Variants in COP1 observed in about 807,000 individuals in gnomAD.
COP1 encodes COP1 E3 ubiquitin ligase, also known as E3 ubiquitin-protein ligase COP1.
In COP1, 24 loss-of-function variants were observed where a neutral mutation model predicts 101.3. That is an observed-to-expected ratio of 0.24 (90% CI 0.17 to 0.33). The LOEUF is 0.33. COP1 is among the 10% of genes least tolerant of loss of function. The pLI, the probability that COP1 is intolerant of heterozygous loss-of-function variation, is 1.00. For synonymous variants in COP1, 347 were observed against 341.9 expected, an observed-to-expected ratio of 1.01 and a Z score of -0.17; for missense variants, 663 against 906.2, an observed-to-expected ratio of 0.73 and a Z score of 3.45.
At chr1:176,082,208 A>T (rs1383687552) in intron 10 of COP1, among the ~76,000 whole-genome samples, 3 of 152,182 alleles carry the variant, frequency 2.0e-5, no homozygotes, top group African/African-American at 7.2e-5. Context: ...TGAGCACTTT[A>T]GTTTCCTAGA....
chr1:176,202,607 A>T (rs1470216835), intron 1 of COP1, among the ~76,000 whole-genome samples: 1 of 151,878 alleles, frequency 6.6e-6, no homozygotes, highest in Non-Finnish European at 1.5e-5. Flanking sequence ...CTAAGACATG[A>T]AGATTGCTTG....
chr1:176,006,317 G>A (rs577043177), intron 15 of COP1, among the ~76,000 whole-genome samples: 2 of 152,294 alleles, frequency 1.3e-5, no homozygotes, highest in South Asian at 4.2e-4. Flanking sequence ...GCCAGTCTGT[G>A]TCTTTTCATT....
intron 1 of COP1, 150 bp downstream of exon 1, chr1:176,206,422 C>G: frequency 1.2e-6 from 1 of 855,604 alleles, no homozygotes; most frequent in Non-Finnish European, 1.7e-6. Context: ...CGAATGCCTG[C>G]AAACGCTCGA....
At chr1:175,975,875 G>T (rs1654402492) in intron 18 of COP1, among the ~76,000 whole-genome samples, 1 of 152,102 alleles carries the variant, frequency 6.6e-6, no homozygotes. Context: ...TAACACAGTA[G>T]ATACTCTGAT....
intron 1 of COP1, among the ~76,000 whole-genome samples, chr1:176,197,486 C>G (rs1434344059): frequency 2.0e-5 from 3 of 152,150 alleles, no homozygotes; most frequent in East Asian, 1.9e-4. Flanking sequence ...TACTTCTAGT[C>G]TCTAGACCTA....
chr1:176,119,900 A>G (rs1686826053), intron 8 of COP1, among the ~76,000 whole-genome samples: 1 of 152,192 alleles, frequency 6.6e-6, no homozygotes, highest in South Asian at 2.1e-4. Flanking sequence ...AGGCACTGAG[A>G]GATTATATAT....
In COP1 at chr1:176,135,120, T is replaced by G. The variant is rs370290962; in HGVS notation, c.892-34A>C. The G allele has an allele frequency of 4.9e-5, 66 of 1,340,018 alleles. No individual in the cohort carries two copies. The African/African-American group carries it at 8.7e-4, about 18-fold the overall frequency. The allele number at this position is 1,340,018 out of a possible 1,614,324, so 83.0% of individuals were successfully genotyped here. A position where few individuals can be genotyped will look rare whatever the true frequency, so the allele number is the denominator to read the frequency against. ...AAAATTATTTGAATTATAGTAGATA[T>G]TTCAAATAGAAGATATATAAATCAA... On this transcript the variant is annotated intron_variant, in intron 7 of 19. Transcript: ENST00000367669.
rs115744884 is a variant in COP1 at position 176,096,977 on chromosome 1, T to C, written c.1027-11087A>G. 9.2e-3 allele frequency among the ~76,000 whole-genome samples: 1,408 copies of C among 152,294 alleles called. 24 individuals carry two copies. Among genetic ancestry groups the C allele is most frequent in the African/African-American group, 0.032 (1,338 of 41,556 alleles). ...AGGGAATGAGTCCTTTTTGGTTTGA[T>C]ACCTGTGCAACCTTTGCTATTTGTT... On this transcript the variant is annotated intron_variant, in intron 9 of 19. Transcript: ENST00000367669.
chr1:176,160,369 T>A (rs1411744523), intron 5 of COP1: 2 of 257,440 alleles, frequency 7.8e-6, no homozygotes, highest in East Asian at 1.2e-4. Flanking sequence ...GGCAAAGACT[T>A]CATGACTAAA....
chr1:176,104,716 C>A (rs1359743730), intron 9 of COP1, among the ~76,000 whole-genome samples: 1 of 152,126 alleles, frequency 6.6e-6, no homozygotes, highest in East Asian at 1.9e-4. Flanking sequence ...GGTGAAGACA[C>A]AAACTGCTTT....
chr1:176,143,137 AGC>A (rs1553286759), intron 6 of COP1, among the ~76,000 whole-genome samples: 50 of 148,756 alleles, frequency 3.4e-4, no homozygotes, highest in African/African-American at 1.3e-3. Flanking sequence ...AGAGAGAGAG[AGC>A]GAGAGAAAGA....
chr1:176,009,927 G>C (rs1664330104), intron 15 of COP1, among the ~76,000 whole-genome samples: 1 of 148,792 alleles, frequency 6.7e-6, no homozygotes, highest in African/African-American at 2.5e-5. Flanking sequence ...AGGAGGGTAT[G>C]TCTTTATATT....
chr1:176,061,393 G>A (rs1006332692), intron 11 of COP1, among the ~76,000 whole-genome samples: 2 of 152,266 alleles, frequency 1.3e-5, no homozygotes, highest in East Asian at 1.9e-4. Context: ...TTGGGAGGCC[G>A]AGGTGGGCAG....
chr1:176,103,526 A>G (rs1683787933), intron 9 of COP1, among the ~76,000 whole-genome samples: 1 of 152,188 alleles, frequency 6.6e-6, no homozygotes, highest in Admixed American at 6.5e-5. Flanking sequence ...GAATATTTGC[A>G]TTGTACTTAC....
intron 5 of COP1, among the ~76,000 whole-genome samples, chr1:176,159,278 A>G (rs897672100): frequency 1.3e-5 from 2 of 152,186 alleles, no homozygotes; most frequent in African/African-American, 4.8e-5. Context: ...ATCAAATAGA[A>G]AACAAGGGTG....
At chr1:175,993,977 T>A (rs1359058595) in intron 15 of COP1, among the ~76,000 whole-genome samples, 1 of 152,048 alleles carries the variant, frequency 6.6e-6, no homozygotes, top group African/African-American at 2.4e-5. Flanking sequence ...GGAAAAAATG[T>A]TAAGGGCAGC....
chr1:176,102,656 A>G (rs1411670421), intron 9 of COP1, among the ~76,000 whole-genome samples: 1 of 152,186 alleles, frequency 6.6e-6, no homozygotes, highest in African/African-American at 2.4e-5. Flanking sequence ...TGGGGACTAG[A>G]CTGTCTTTGT....
intron 18 of COP1, among the ~76,000 whole-genome samples, chr1:175,949,480 T>C (rs970547673): frequency 1.3e-5 from 2 of 152,196 alleles, no homozygotes; most frequent in African/African-American, 4.8e-5. Flanking sequence ...AGAGGCACTG[T>C]GTGGTGCAAT....
At chr1:175,993,161 C>T (rs1364946762) in intron 15 of COP1, among the ~76,000 whole-genome samples, 1 of 152,206 alleles carries the variant, frequency 6.6e-6, no homozygotes, top group Non-Finnish European at 1.5e-5. Flanking sequence ...TAGCAAACTA[C>T]AACAGACCTG....
Sources: gnomAD v4.1 joint callset for allele counts (sites outside exome capture counted in the v4.1 genomes callset) on GRCh38, gnomAD v4.1.1 for gene constraint, MANE v1.5 for transcripts, NCBI Gene and HGNC (gene_info 2026-07-23, HGNC 2026-07-21) for gene names.